Variants in OCIAD1 observed in about 807,000 individuals in gnomAD.
OCIAD1 encodes the protein OCIA domain-containing protein 1.
A neutral mutation model predicts 38.9 loss-of-function variants in OCIAD1; 29 were observed. The ratio of observed to expected loss-of-function variants is 0.74; its 90% CI spans 0.55 to 1.02. The LOEUF is 1.02. Among genes scored for constraint, OCIAD1 ranks in the 50% least tolerant of loss-of-function variants. The probability of loss-of-function intolerance (pLI) is 0.00; values close to 1 mark genes in which losing one functional copy is unlikely to be tolerated. For synonymous variants in OCIAD1, 110 were observed against 92.0 expected, an observed-to-expected ratio of 1.20 and a Z score of -1.12; for missense variants, 288 against 289.6, an observed-to-expected ratio of 0.99 and a Z score of 0.04.
chr4:48,833,165 C>A (rs960274630), intron 2 of OCIAD1, among the ~76,000 whole-genome samples: 1 of 152,208 alleles, frequency 6.6e-6, no homozygotes, highest in East Asian at 1.9e-4. Context: ...GCAGGAGAAT[C>A]GCTTGAACCC....
At chr4:48,838,566 T>C (rs372274784) in intron 3 of OCIAD1, among the ~76,000 whole-genome samples, 1 of 152,256 alleles carries the variant, frequency 6.6e-6, no homozygotes, top group African/African-American at 2.4e-5. Flanking sequence ...AGAAGGATGA[T>C]AATCATACAT....
At chr4:48,832,756 T>A in intron 2 of OCIAD1, 74 bp downstream of exon 2, 1 of 1,118,668 alleles carries the variant, frequency 8.9e-7, no homozygotes, top group Non-Finnish European at 1.4e-6. Flanking sequence ...TGAGTAACAG[T>A]GGCAGGTGGG....
intron 7 of OCIAD1, among the ~76,000 whole-genome samples, chr4:48,854,473 G>T (rs149481955): frequency 1.3e-5 from 2 of 152,160 alleles, no homozygotes; most frequent in Non-Finnish European, 2.9e-5. Context: ...CAGATAAGGG[G>T]GCACTACTGT....
intron 1 of OCIAD1, 191 bp downstream of exon 1, chr4:48,831,440 T>A: frequency 8.1e-7 from 1 of 1,241,268 alleles, no homozygotes; most frequent in South Asian, 1.2e-5. Flanking sequence ...GGGTGTGAGC[T>A]GGGGAAGTTC....
chr4:48,810,251 C>G (rs1215079697), intron 1 of OCIAD1, among the ~76,000 whole-genome samples: 1 of 151,716 alleles, frequency 6.6e-6, no homozygotes, highest in African/African-American at 2.4e-5. Flanking sequence ...GGGTGGATCA[C>G]GAGGTCAGGA....
intron 1 of OCIAD1, among the ~76,000 whole-genome samples, chr4:48,823,292 G>A (rs1376691480): frequency 1.3e-5 from 2 of 151,952 alleles, no homozygotes; most frequent in South Asian, 2.1e-4. Context: ...ACACAGGAAC[G>A]GAAAACCAAA....
rs553586880 is a variant in OCIAD1 at position 48,850,438 on chromosome 4, T to A, written c.377+356T>A. Among the ~76,000 whole-genome samples, 178 of 151,960 alleles carry A rather than the reference T, an allele frequency of 1.2e-3. 2 individuals carry two copies. The highest frequency in any genetic ancestry group is 1.0e-2 in the South Asian group (48 of 4,804). ...CTGCACCCAGCTAATTAAAAAAAAA[T>A]TTTTTTTATGGAGATGGGGGTCTCA... On this transcript the variant is annotated intron_variant, in intron 6 of 8. Transcript: ENST00000264312.
At chr4:48,825,375 T>C (rs1777239224) in intron 1 of OCIAD1, among the ~76,000 whole-genome samples, 1 of 152,190 alleles carries the variant, frequency 6.6e-6, no homozygotes, top group African/African-American at 2.4e-5. Flanking sequence ...AATATCTAGG[T>C]ATGCATCCAG....
intron 4 of OCIAD1, among the ~76,000 whole-genome samples, chr4:48,847,345 G>A (rs1466168729): frequency 2.6e-5 from 4 of 151,990 alleles, no homozygotes; most frequent in Admixed American, 6.6e-5. Context: ...TTGGAATTGA[G>A]TCTTTTGTCA....
chr4:48,811,861 AT>A (rs370886834), intron 1 of OCIAD1, among the ~76,000 whole-genome samples: 32 of 149,666 alleles, frequency 2.1e-4, no homozygotes, highest in African/African-American at 7.1e-4. Context: ...GAAAAGTTTC[AT>A]TTTTTTTTTC....
intron 1 of OCIAD1, among the ~76,000 whole-genome samples, chr4:48,821,213 G>A (rs550087956): frequency 6.6e-6 from 1 of 152,250 alleles, no homozygotes; most frequent in South Asian, 2.1e-4. Context: ...CGATCAAGTC[G>A]ACTTTATGCC....
intron 1 of OCIAD1, among the ~76,000 whole-genome samples, chr4:48,816,399 G>A (rs1222970081): frequency 1.3e-5 from 2 of 152,132 alleles, no homozygotes; most frequent in Non-Finnish European, 2.9e-5. Context: ...TGGGCATGGT[G>A]GCACATGCCT....
chr4:48,816,986 G>A (rs1777149755), intron 1 of OCIAD1, among the ~76,000 whole-genome samples: 1 of 152,134 alleles, frequency 6.6e-6, no homozygotes, highest in Non-Finnish European at 1.5e-5. Flanking sequence ...AAAAAGGGGT[G>A]GGAGAGGGGC....
Position 48,848,426 on chromosome 4 carries a change from G to T in OCIAD1, c.221G>T (p.Gly74Val), listed in dbSNP as rs1296776738. The T allele has an allele frequency of 1.3e-6, 2 of 1,500,754 alleles. No individual in the cohort carries two copies. Among genetic ancestry groups the T allele is most frequent in the East Asian group, 2.3e-5 (1 of 43,426 alleles). 93.0% of individuals were successfully genotyped at this position (1,500,754 alleles called of 1,614,324 possible). A position where few individuals can be genotyped will look rare whatever the true frequency, so the allele number is the denominator to read the frequency against. Residue 74 changes from glycine (G) to valine (V), a missense_variant, in exon 5 of 9, where the codon GGT becomes GTT. Physicochemically the swap from Gly to Val is moderately radical, Grantham distance 109. Transcript: ENST00000264312. ...KGILSSHPKY[G>V]SIPKLILACI... is the part of the protein sequence containing the mutation. ...ATACTTTCAAGTCATCCCAAATATGGTTCCATCCCTAAACTTATACGTAAG... is the reference window on the plus strand; with the variant it reads ...ATACTTTCAAGTCATCCCAAATATGTTTCCATCCCTAAACTTATACGTAAG...
rs1482149843 is a variant in OCIAD1 at position 48,861,672 on chromosome 4, T to A, written c.*910T>A. ...CTGAACTCCAGCCTGTGCGACTGAG[T>A]GAGACCCTGTGTCTAAAAAAATAAA... On this transcript the variant is annotated 3_prime_UTR_variant, in exon 9 of 9. Coordinates refer to ENST00000264312, the MANE Select transcript of OCIAD1 (RefSeq NM_017830.4). 1.3e-5 allele frequency: 2 copies of A among 152,148 alleles called. No homozygotes were observed. Among genetic ancestry groups the A allele is most frequent in the Non-Finnish European group, 2.9e-5 (2 of 68,022 alleles). The allele number at this position is 152,148 out of a possible 1,614,324, so 9.4% of individuals were successfully genotyped here. A position where few individuals can be genotyped will look rare whatever the true frequency, so the allele number is the denominator to read the frequency against.
At chr4:48,818,420 T>C (rs1044780438) in intron 1 of OCIAD1, among the ~76,000 whole-genome samples, 2 of 151,994 alleles carry the variant, frequency 1.3e-5, no homozygotes, top group African/African-American at 4.8e-5. Context: ...CATCCAAAGA[T>C]CATCAGCCTC....
chr4:48,848,639 A>G (rs572345390), intron 5 of OCIAD1, 193 bp downstream of exon 5: 14 of 389,698 alleles, frequency 3.6e-5, no homozygotes, highest in Admixed American at 9.0e-5. Context: ...ATCAGTTGAA[A>G]TAGGCATTTT....
chr4:48,821,190 A>C (rs1777191451), intron 1 of OCIAD1, among the ~76,000 whole-genome samples: 2 of 152,236 alleles, frequency 1.3e-5, no homozygotes, highest in South Asian at 4.1e-4. Context: ...CACATTAAAA[A>C]TCTTATCCAC....
In OCIAD1 at chr4:48,857,254, A is replaced by G; in HGVS notation, c.589A>G (p.Ile197Val). The G allele has an allele frequency of 6.3e-7, 1 of 1,577,832 alleles. No individual in the cohort carries two copies. The highest frequency in any genetic ancestry group is 8.6e-7 in the Non-Finnish European group (1 of 1,164,216). The stretch of plus-strand genomic sequence containing the variant: ...TGAAGAAAGTCCTAAAAGAAAAAAT[A>G]TTACATATGAGGAATTAAGGAATAA... ...NLEESPKRKN[I>V]TYEELRNKNR... Residue 197 changes from isoleucine to valine, a missense_variant, in exon 8 of 9, where the codon ATT becomes GTT. Transcript: ENST00000264312.
Sources: allele counts gnomAD v4.1 joint callset (sites outside exome capture counted in the v4.1 genomes callset), GRCh38; gene constraint gnomAD v4.1.1; transcripts MANE v1.5; gene names NCBI Gene and HGNC (gene_info 2026-07-23, HGNC 2026-07-21).